RGL1: variants seen among roughly 807,000 people sequenced by gnomAD.
The protein encoded by RGL1 is ral guanine nucleotide dissociation stimulator like 1, also known as ral guanine nucleotide dissociation stimulator-like 1.
A neutral mutation model predicts 95.2 loss-of-function variants in RGL1; 24 were observed. That is an observed-to-expected ratio of 0.25 (90% CI 0.18 to 0.35). The LOEUF is 0.35. RGL1 is among the 10% of genes least tolerant of loss of function. RGL1 has a pLI of 1.00. For synonymous variants in RGL1, 329 were observed against 344.9 expected (o/e 0.95, Z 0.51); for missense variants, 715 against 936.3 (o/e 0.76, Z 3.08).
At chr1:183,885,833 G>A (rs915211518) in intron 7 of RGL1, among the ~76,000 whole-genome samples, 1 of 152,122 alleles carries the variant, frequency 6.6e-6, no homozygotes, top group Non-Finnish European at 1.5e-5. Flanking sequence ...CTGTAAAAGT[G>A]GGGGAGAGAG....
rs542009998 is a variant in RGL1 at position 183,680,473 on chromosome 1, A to G, written c.-33+43972A>G. Among the ~76,000 whole-genome samples, 3 of 151,356 alleles carry G rather than the reference A, an allele frequency of 2.0e-5. No individual in the cohort carries two copies. The South Asian group carries it at 6.2e-4, about 31-fold the overall frequency. ...CCCAACACCATTTATTAAATAGGGA[A>G]TCCTTTCCCCAATGCTTGTGTGGCG... On this transcript the variant is annotated intron_variant, in intron 1 of 18. Transcript: ENST00000304685.
chr1:183,911,059 G>C (rs1333913442), intron 14 of RGL1, among the ~76,000 whole-genome samples: 2 of 152,152 alleles, frequency 1.3e-5, no homozygotes, highest in Non-Finnish European at 2.9e-5. Flanking sequence ...TTGTAATTTT[G>C]TATCACGAGT....
intron 3 of RGL1, 70 bp downstream of exon 3, chr1:183,847,844 G>A: frequency 8.8e-7 from 1 of 1,142,570 alleles, no homozygotes; most frequent in South Asian, 1.3e-5. Context: ...ACGAGGTTCT[G>A]AATCACCTGC....
At chr1:183,883,644 C>G in intron 5 of RGL1, 142 bp from the exon 6 acceptor site, 1 of 767,244 alleles carries the variant, frequency 1.3e-6, no homozygotes, top group East Asian at 2.5e-5. Context: ...TTCTCAGATG[C>G]ATTGTGCTTG....
At chr1:183,846,909 A>G (rs1664482228) in intron 2 of RGL1, among the ~76,000 whole-genome samples, 1 of 152,166 alleles carries the variant, frequency 6.6e-6, no homozygotes, top group African/African-American at 2.4e-5. Flanking sequence ...AAAACTTTCC[A>G]TGGAACAAAA....
intron 1 of RGL1, among the ~76,000 whole-genome samples, chr1:183,678,167 G>T (rs1205657632): frequency 6.6e-6 from 1 of 152,070 alleles, no homozygotes; most frequent in Non-Finnish European, 1.5e-5. Flanking sequence ...ATGTCTATTT[G>T]CTTTTCCTCA....
chr1:183,704,409 A>G (rs770724341), intron 1 of RGL1, among the ~76,000 whole-genome samples: 5 of 152,160 alleles, frequency 3.3e-5, no homozygotes, highest in African/African-American at 7.2e-5. Flanking sequence ...AGTGAGGGCA[A>G]TGAGTTCAGC....
Position 183,689,412 on chromosome 1 carries a change from G to GC in RGL1, c.-32-52714_-32-52713insC, listed in dbSNP as rs1653810133. 2.0e-5 allele frequency among the ~76,000 whole-genome samples: 3 copies of GC among 152,162 alleles called. No individual in the cohort carries two copies. In the South Asian group the frequency reaches 6.2e-4, roughly 32 times the overall value. ...CATTTGCTGTTTCTCTCCTGGATGT[G>GC]TTTCCCATCCTGGGTCATTTGCTTA... On this transcript the variant is annotated intron_variant, in intron 1 of 18. Transcript: ENST00000304685.
At chr1:183,831,127 G>A (rs141837259) in intron 2 of RGL1, among the ~76,000 whole-genome samples, 1 of 152,276 alleles carries the variant, frequency 6.6e-6, no homozygotes, top group Non-Finnish European at 1.5e-5. Flanking sequence ...TCTAGATAAG[G>A]TAATCTGGTG....
At chr1:183,895,398 AG>A (rs1268599178) in intron 9 of RGL1, among the ~76,000 whole-genome samples, 3 of 152,152 alleles carry the variant, frequency 2.0e-5, no homozygotes, top group African/African-American at 7.2e-5. Context: ...AGAGACGGAG[AG>A]GGAAGAGAAG....
intron 1 of RGL1, among the ~76,000 whole-genome samples, chr1:183,696,834 T>G (rs1364243728): frequency 6.6e-6 from 1 of 152,230 alleles, no homozygotes; most frequent in Non-Finnish European, 1.5e-5. Context: ...CTACTGTACC[T>G]ATGTTTCAAA....
At chr1:183,650,231 G>A (rs1301485825) in intron 1 of RGL1, among the ~76,000 whole-genome samples, 1 of 150,564 alleles carries the variant, frequency 6.6e-6, no homozygotes, top group Non-Finnish European at 1.5e-5. Flanking sequence ...TGTGCCATGA[G>A]CATTTTCCCA....
intron 1 of RGL1, among the ~76,000 whole-genome samples, chr1:183,730,208 TTTC>T (rs1476126045): frequency 6.6e-6 from 1 of 152,174 alleles, no homozygotes; most frequent in Admixed American, 6.6e-5. Flanking sequence ...GTGTTGACAA[TTTC>T]TCCATAGTAT....
chr1:183,696,817 G>A (rs1001485994), intron 1 of RGL1, among the ~76,000 whole-genome samples: 2 of 152,012 alleles, frequency 1.3e-5, no homozygotes, highest in African/African-American at 4.8e-5. Context: ...CAATCCTTTG[G>A]CAAATCCTAC....
At chr1:183,671,188 C>T (rs6663026) in intron 1 of RGL1, among the ~76,000 whole-genome samples, 1,971 of 152,292 alleles carry the variant, frequency 0.013, 52 homozygotes, top group African/African-American at 0.046. Context: ...CAGTTACCTC[C>T]ACCTGGTCTC....
chr1:183,805,996 T>TTTTTTTTTTTTTTTTTTTTTTTTC (rs1661301000), intron 1 of RGL1, among the ~76,000 whole-genome samples: 1 of 81,648 alleles, frequency 1.2e-5, no homozygotes, highest in Non-Finnish European at 2.3e-5. Context: ...TTTTTTTTTT[T>TTTTTTTTTTTTTTTTTTTTTTTTC]TTTTTTTTTT....
intron 4 of RGL1, among the ~76,000 whole-genome samples, chr1:183,875,670 G>A (rs1419317598): frequency 6.6e-6 from 1 of 151,928 alleles, no homozygotes; most frequent in African/African-American, 2.4e-5. Flanking sequence ...GAGGTCAGGA[G>A]TTTGAAACCA....
At chr1:183,637,333 C>T (rs1463000013) in intron 1 of RGL1, among the ~76,000 whole-genome samples, 1 of 152,282 alleles carries the variant, frequency 6.6e-6, no homozygotes, top group Non-Finnish European at 1.5e-5. Context: ...AACAGTTTTT[C>T]TTTTGTATCT....
intron 15 of RGL1, among the ~76,000 whole-genome samples, chr1:183,914,976 T>C (rs1209178517): frequency 1.3e-5 from 2 of 152,216 alleles, no homozygotes; most frequent in Admixed American, 1.3e-4. Flanking sequence ...ACTAAGTTGA[T>C]TCATTTGGGA....
Sources: gnomAD v4.1 joint callset for allele counts (sites outside exome capture counted in the v4.1 genomes callset) on GRCh38, gnomAD v4.1.1 for gene constraint, MANE v1.5 for transcripts, NCBI Gene and HGNC (gene_info 2026-07-23, HGNC 2026-07-21) for gene names.